RAPGEF5: variants seen among roughly 807,000 people sequenced by gnomAD.
RAPGEF5 encodes Rap guanine nucleotide exchange factor 5.
A neutral mutation model predicts 125.2 loss-of-function variants in RAPGEF5; 65 were observed. The observed-to-expected ratio is 0.52, with a 90% CI of 0.43 to 0.64. The LOEUF (loss-of-function observed/expected upper bound fraction) is 0.64, where lower values mean the gene tolerates loss of function less well. Ranked by LOEUF, RAPGEF5 falls within the 30% of genes least tolerant of loss-of-function variation. RAPGEF5 has a pLI of 0.00. For synonymous variants in RAPGEF5, 391 were observed against 385.9 expected, an observed-to-expected ratio of 1.01 and a Z score of -0.16; for missense variants, 958 against 1,048.1, an observed-to-expected ratio of 0.91 and a Z score of 1.19.
chr7:22,310,094 A>T lies in RAPGEF5; in HGVS notation c.390-4T>A. Reference sequence around the variant, plus strand: ...CTCTGACCCAACGCAGCTCCTCCTGAACAAAAGCAAAGCCATTCACAGTAA... The same window carrying T: ...CTCTGACCCAACGCAGCTCCTCCTGTACAAAAGCAAAGCCATTCACAGTAA... On this transcript the variant is annotated splice_polypyrimidine_tract_variant and splice_region_variant and intron_variant, in intron 3 of 25. Coordinates refer to ENST00000665637, the MANE Select transcript of RAPGEF5 (RefSeq NM_012294.5). The T allele has an allele frequency of 6.4e-7, 1 of 1,552,534 alleles. No homozygotes were observed. The highest frequency in any genetic ancestry group is 1.2e-5 in the South Asian group (1 of 81,056).
At chr7:22,245,130 C>T (rs1052618603) in intron 7 of RAPGEF5, among the ~76,000 whole-genome samples, 2 of 152,132 alleles carry the variant, frequency 1.3e-5, no homozygotes, top group African/African-American at 4.8e-5. Flanking sequence ...TGACAAATGT[C>T]TATTTAAGTT....
intron 8 of RAPGEF5, among the ~76,000 whole-genome samples, chr7:22,222,977 G>C (rs12671750): frequency 1.9e-5 from 1 of 53,968 alleles, no homozygotes; most frequent in Non-Finnish European, 4.4e-5. Context: ...AGTTGTCATG[G>C]GGGGAGGCAG....
intron 6 of RAPGEF5, among the ~76,000 whole-genome samples, chr7:22,274,178 T>C (rs1260675833): frequency 2.0e-5 from 3 of 152,166 alleles, no homozygotes; most frequent in Non-Finnish European, 2.9e-5. Flanking sequence ...CTCAACCCTC[T>C]TGACCTTCTT....
intron 11 of RAPGEF5, among the ~76,000 whole-genome samples, chr7:22,176,162 C>T (rs1055190162): frequency 1.3e-5 from 2 of 152,106 alleles, no homozygotes; most frequent in African/African-American, 4.8e-5. Context: ...CGGGGGAACT[C>T]CCCTTTATAA....
Position 22,343,828 on chromosome 7 carries a change from T to C in RAPGEF5, c.231+13002A>G, listed in dbSNP as rs559282531. ...ACATGTTCAATACACGGTGACAAAATTTAGCAAGATCAAAGTCCCACATAA... is the reference window on the plus strand; with the variant it reads ...ACATGTTCAATACACGGTGACAAAACTTAGCAAGATCAAAGTCCCACATAA... On this transcript the variant is annotated intron_variant, in intron 1 of 25. Transcript: ENST00000665637. Among the ~76,000 whole-genome samples, 3 of 152,234 alleles carry C rather than the reference T, an allele frequency of 2.0e-5. No homozygotes were observed. In the South Asian group the frequency reaches 6.2e-4, roughly 32 times the overall value.
At chr7:22,139,715 A>G (rs146745949) in intron 21 of RAPGEF5, 1 of 229,490 alleles carries the variant, frequency 4.4e-6, no homozygotes, top group East Asian at 8.3e-5. Flanking sequence ...ACTCATTAGC[A>G]TCACAGCAAA....
chr7:22,308,158 T>G lies in RAPGEF5; in HGVS notation c.680+181A>C, dbSNP rs147801524. ...CTTCTGGGATTTAAATACCAGTTAT[T>G]TATTAGCTGGATTTAATTTTCTGCA... is the stretch of plus-strand genomic sequence containing the variant. On this transcript the variant is annotated intron_variant, in intron 5 of 25. Coordinates refer to ENST00000665637, the MANE Select transcript of RAPGEF5 (RefSeq NM_012294.5). 4.5e-3 allele frequency among the ~76,000 whole-genome samples: 679 copies of G among 152,328 alleles called. 12 individuals are homozygous for G. The South Asian group carries it at 0.059, about 13-fold the overall frequency.
chr7:22,272,820 G>A (rs1361337232), intron 6 of RAPGEF5, among the ~76,000 whole-genome samples: 7 of 151,608 alleles, frequency 4.6e-5, no homozygotes, highest in Admixed American at 1.3e-4. Context: ...GCAGTGGTAC[G>A]ATCTCAGCTC....
At chr7:22,316,321 T>A (rs1415169386) in intron 2 of RAPGEF5, among the ~76,000 whole-genome samples, 4 of 149,888 alleles carry the variant, frequency 2.7e-5, no homozygotes, top group African/African-American at 4.9e-5. Flanking sequence ...TTTTACTTTT[T>A]TCTTAGTAAA....
chr7:22,290,648 G>C (rs1372250034), intron 6 of RAPGEF5, among the ~76,000 whole-genome samples: 1 of 150,970 alleles, frequency 6.6e-6, no homozygotes, highest in Non-Finnish European at 1.5e-5. Flanking sequence ...GGGAGGCTGA[G>C]GCAGGAGAAT....
rs1390643913 is a variant in RAPGEF5 at position 22,356,857 on chromosome 7, C to T, written c.204G>A (p.Arg68=). 1.7e-6 allele frequency: 2 copies of T among 1,165,064 alleles called. No homozygotes were observed. Among genetic ancestry groups the T allele is most frequent in the Non-Finnish European group, 2.1e-6 (2 of 945,260 alleles). The allele number at this position is 1,165,064 out of a possible 1,614,324, so 72.2% of individuals were successfully genotyped here. A position where few individuals can be genotyped will look rare whatever the true frequency, so the allele number is the denominator to read the frequency against. The part of the protein sequence containing the change: ...PALLRSGLTL[R]RKRSAAGGRT... ...GGCCCCCAGCGGCGCTCCGCTTCCT[C>T]CGCAGCGTGAGCCCGCTCCGCAGCA... is the stretch of plus-strand genomic sequence containing the variant. Residue 68 remains arginine, a synonymous_variant, in exon 1 of 26, where the codon CGG becomes CGA. Transcript: ENST00000665637.
intron 5 of RAPGEF5, among the ~76,000 whole-genome samples, chr7:22,292,093 G>C (rs1782948741): frequency 6.6e-6 from 1 of 152,176 alleles, no homozygotes; most frequent in South Asian, 2.1e-4. Flanking sequence ...GTGGACAGGG[G>C]GCGGAGGGGG....
intron 11 of RAPGEF5, among the ~76,000 whole-genome samples, 176 bp from the exon 12 acceptor site, chr7:22,167,324 G>T (rs562523647): frequency 6.6e-6 from 1 of 152,204 alleles, no homozygotes; most frequent in South Asian, 2.1e-4. Flanking sequence ...ATTAAGATAT[G>T]AAAAACTCCT....
chr7:22,176,739 C>T (rs556931220), intron 11 of RAPGEF5, among the ~76,000 whole-genome samples: 2 of 152,228 alleles, frequency 1.3e-5, no homozygotes, highest in East Asian at 3.9e-4. Context: ...CCATGTTGGT[C>T]AGGCTGGTCC....
intron 24 of RAPGEF5, among the ~76,000 whole-genome samples, chr7:22,129,755 C>T (rs374183904): frequency 1.7e-4 from 26 of 152,284 alleles, no homozygotes; most frequent in African/African-American, 5.5e-4. Context: ...TAGAAAAGCA[C>T]TAGCCGTGAA....
chr7:22,183,869 G>C (rs1367735702), intron 11 of RAPGEF5, among the ~76,000 whole-genome samples: 1 of 152,190 alleles, frequency 6.6e-6, no homozygotes, highest in African/African-American at 2.4e-5. Flanking sequence ...AAACTGTTAA[G>C]ATGCCCAAGT....
chr7:22,178,300 G>A (rs1784571524), intron 11 of RAPGEF5, among the ~76,000 whole-genome samples: 1 of 151,700 alleles, frequency 6.6e-6, no homozygotes, highest in Non-Finnish European at 1.5e-5. Context: ...AGATTATACT[G>A]AAAAAAAACC....
In RAPGEF5 at chr7:22,122,293, G is replaced by A. The variant is rs1355270029; in HGVS notation, c.*113C>T. On this transcript the variant is annotated 3_prime_UTR_variant, in exon 26 of 26. Transcript: ENST00000665637. ...GCTGGCTTTCCTGTGAATGTCTTGGGTTATACTGATAAAACTCAGCAACTT... is the reference window on the plus strand; with the variant it reads ...GCTGGCTTTCCTGTGAATGTCTTGGATTATACTGATAAAACTCAGCAACTT... 15 of 850,328 alleles carry A rather than the reference G, an allele frequency of 1.8e-5. No individual in the cohort carries two copies. Among genetic ancestry groups the A allele is most frequent in the Non-Finnish European group, 2.8e-5 (15 of 536,342 alleles). 52.7% of individuals were successfully genotyped at this position (850,328 alleles called of 1,614,324 possible).
At chr7:22,209,515 TC>T (rs549414556) in intron 9 of RAPGEF5, among the ~76,000 whole-genome samples, 1 of 152,024 alleles carries the variant, frequency 6.6e-6, no homozygotes, top group Non-Finnish European at 1.5e-5. Context: ...CAACTATCCT[TC>T]CCCCCCACCA....
Sources: gnomAD v4.1 joint callset for allele counts (sites outside exome capture counted in the v4.1 genomes callset) on GRCh38, gnomAD v4.1.1 for gene constraint, MANE v1.5 for transcripts, NCBI Gene and HGNC (gene_info 2026-07-23, HGNC 2026-07-21) for gene names.